Variants in MTFR1 observed in about 807,000 individuals in gnomAD.
The protein encoded by MTFR1 is chondrocyte protein with a poly-proline region.
A neutral mutation model predicts 38.8 loss-of-function variants in MTFR1; 28 were observed. The ratio of observed to expected loss-of-function variants is 0.72; its 90% confidence interval spans 0.53 to 0.99. The LOEUF (loss-of-function observed/expected upper bound fraction) is 0.99, where lower values mean the gene tolerates loss of function less well. Ranked by LOEUF, MTFR1 falls within the 50% of genes least tolerant of loss-of-function variation. The pLI is 0.00. For synonymous variants in MTFR1, 145 were observed against 137.0 expected (o/e 1.06, Z -0.41); for missense variants, 358 against 395.5 (o/e 0.91, Z 0.81).
chr8:65,757,611 G>C (rs1201390443), intron 3 of MTFR1, among the ~76,000 whole-genome samples: 3 of 150,886 alleles, frequency 2.0e-5, no homozygotes, highest in East Asian at 3.9e-4. Context: ...TTTTTGTTTT[G>C]TTTTGTTTTG....
intron 4 of MTFR1, among the ~76,000 whole-genome samples, chr8:65,698,762 C>G (rs922684680): frequency 1.1e-4 from 17 of 150,000 alleles, no homozygotes; most frequent in Non-Finnish European, 3.0e-5. Context: ...GAGTTTCACT[C>G]TTGTTGCCCA....
intron 3 of MTFR1, among the ~76,000 whole-genome samples, chr8:65,731,984 T>TTGTTG (rs1806910272): frequency 6.6e-6 from 1 of 151,664 alleles, no homozygotes; most frequent in Non-Finnish European, 1.5e-5. Context: ...ATTATTATTA[T>TTGTTG]TATTGTTGTT....
At chr8:65,771,628 C>T (rs1809087752), downstream of MTFR1, among the ~76,000 whole-genome samples, 1 of 152,022 alleles carries the variant, frequency 6.6e-6, no homozygotes, top group Admixed American at 6.6e-5. Context: ...GTAATCCCAG[C>T]ACTTTGGGAG....
At chr8:65,703,020 C>G (rs906298086) in intron 4 of MTFR1, among the ~76,000 whole-genome samples, 8 of 151,190 alleles carry the variant, frequency 5.3e-5, no homozygotes, top group Admixed American at 2.0e-4. Flanking sequence ...AGAAATCTCA[C>G]TAGCAGAAAT....
At chr8:65,758,719 A>G (rs868460710) in intron 3 of MTFR1, among the ~76,000 whole-genome samples, 1 of 152,186 alleles carries the variant, frequency 6.6e-6, no homozygotes, top group Non-Finnish European at 1.5e-5. Flanking sequence ...GCTGTACAGT[A>G]TGTTCCTTTG....
chr8:65,655,394 G>C (rs1203724035), intron 1 of MTFR1, among the ~76,000 whole-genome samples: 1 of 152,064 alleles, frequency 6.6e-6, no homozygotes. Flanking sequence ...TGGTAGTATA[G>C]GTCATGAGAT....
chr8:65,656,922 A>G (rs1381955814), intron 1 of MTFR1, among the ~76,000 whole-genome samples: 1 of 152,078 alleles, frequency 6.6e-6, no homozygotes, highest in Non-Finnish European at 1.5e-5. Context: ...CTGAGATTAT[A>G]GATGTGAGCC....
intron 5 of MTFR1, among the ~76,000 whole-genome samples, chr8:65,705,635 C>T (rs183985517): frequency 6.6e-6 from 1 of 152,314 alleles, no homozygotes; most frequent in East Asian, 1.9e-4. Flanking sequence ...ACGTGTTGGA[C>T]TGAGTGGTGT....
At position 65,693,691 on chromosome 8, in the gene MTFR1, T is replaced by C; in HGVS notation, c.213T>C (p.Asp71=). The C allele has an allele frequency of 1.2e-6, 2 of 1,614,180 alleles. No individual in the cohort carries two copies. Among genetic ancestry groups the C allele is most frequent in the Non-Finnish European group, 1.7e-6 (2 of 1,180,032 alleles). ...GGAGTCCCAGCCACCCAGGAGAGGA[T>C]GCAGTGGCGTCTTTTGCTGATGTTG... ...TEWSPSHPGE[D]AVASFADVGW... is the part of the protein sequence containing the mutation. Residue 71 remains aspartate (D), a synonymous_variant, in exon 4 of 8, where the codon GAT becomes GAC. Transcript: ENST00000262146.
At chr8:65,667,936 C>T (rs1460494145) in intron 1 of MTFR1, among the ~76,000 whole-genome samples, 1 of 152,128 alleles carries the variant, frequency 6.6e-6, no homozygotes, top group East Asian at 1.9e-4. Context: ...GATGCTCATC[C>T]TCCTTTCATT....
intron 1 of MTFR1, among the ~76,000 whole-genome samples, chr8:65,651,731 T>C (rs1360204451): frequency 6.6e-6 from 1 of 152,140 alleles, no homozygotes; most frequent in East Asian, 1.9e-4. Flanking sequence ...AGTCCAGTTT[T>C]TTTCTTTTTG....
intron 3 of MTFR1, among the ~76,000 whole-genome samples, chr8:65,763,576 AG>A (rs1808617594): frequency 6.7e-6 from 1 of 148,922 alleles, no homozygotes; most frequent in African/African-American, 2.5e-5. Context: ...AAAAAAAAAA[AG>A]ATTGATTACT....
At chr8:65,754,269 C>T (rs1037453242) in intron 3 of MTFR1, among the ~76,000 whole-genome samples, 8 of 152,156 alleles carry the variant, frequency 5.3e-5, no homozygotes, top group South Asian at 2.1e-4. Context: ...ATTGAGGGTG[C>T]GTCTGCCTTT....
chr8:65,704,345 A>G (rs897909135), intron 4 of MTFR1, among the ~76,000 whole-genome samples: 13 of 152,248 alleles, frequency 8.5e-5, no homozygotes, highest in African/African-American at 2.9e-4. Flanking sequence ...CTTTTCAGAC[A>G]TAACCACTTT....
intron 3 of MTFR1, chr8:65,719,556 C>A: frequency 9.2e-7 from 1 of 1,087,964 alleles, no homozygotes. Context: ...TTTAAAACAT[C>A]ATCTATACAA....
At chr8:65,680,739 C>T (rs1251143766) in intron 2 of MTFR1, among the ~76,000 whole-genome samples, 1 of 151,994 alleles carries the variant, frequency 6.6e-6, no homozygotes, top group Non-Finnish European at 1.5e-5. Flanking sequence ...AATTCATACT[C>T]AGCTGATTTG....
rs754181477 is a variant in MTFR1, at chr8:65,719,434, C to G, written c.*1C>G. ...CGTGTCCAAGCATTGTCTGGGATAG[C>G]CTTGTATTGGAAAACCTGGCCCATT... On this transcript the variant is annotated 3_prime_UTR_variant, in exon 3 of 4. Coordinates refer to the MTFR1 transcript ENST00000521247. The G allele has an allele frequency of 3.5e-5, 57 of 1,613,962 alleles. No homozygotes were observed. Among genetic ancestry groups the G allele is most frequent in the Non-Finnish European group, 4.7e-5 (55 of 1,179,950 alleles).
At chr8:65,687,437 C>T (rs1174623381) in intron 3 of MTFR1, among the ~76,000 whole-genome samples, 1 of 151,728 alleles carries the variant, frequency 6.6e-6, no homozygotes, top group African/African-American at 2.4e-5. Context: ...GCTCTGCCTC[C>T]CAGGTTCACG....
At chr8:65,753,829 A>G (rs1470634094) in intron 3 of MTFR1, among the ~76,000 whole-genome samples, 1 of 152,156 alleles carries the variant, frequency 6.6e-6, no homozygotes, top group Non-Finnish European at 1.5e-5. Flanking sequence ...TATCATTATT[A>G]TATCTTCCTG....
Sources: gnomAD v4.1 joint callset for allele counts (sites outside exome capture counted in the v4.1 genomes callset) on GRCh38, gnomAD v4.1.1 for gene constraint, MANE v1.5 for transcripts, NCBI Gene and HGNC (gene_info 2026-07-23, HGNC 2026-07-21) for gene names.